The following ALDH9A1 variants were observed in gnomAD, a reference collection of about 807,000 sequenced individuals.
ALDH9A1 encodes 4-trimethylaminobutyraldehyde dehydrogenase.
In ALDH9A1, 42 loss-of-function variants were observed where a neutral mutation model predicts 56.6. That is an observed-to-expected ratio of 0.74 (90% CI 0.58 to 0.96). The LOEUF (loss-of-function observed/expected upper bound fraction) is 0.96. ALDH9A1 is among the 40% of genes least tolerant of loss of function. The probability of loss-of-function intolerance (pLI) is 0.00; values close to 1 mark genes in which losing one functional copy is unlikely to be tolerated. For synonymous variants in ALDH9A1, 242 were observed against 236.0 expected (o/e 1.03, Z -0.23); for missense variants, 661 against 651.5 (o/e 1.01, Z -0.16).
At chr1:165,663,807 A>G (rs971774958) in intron 10 of ALDH9A1, among the ~76,000 whole-genome samples, 7 of 152,254 alleles carry the variant, frequency 4.6e-5, no homozygotes, top group African/African-American at 1.7e-4. Context: ...TATCACACAC[A>G]AAGGTCCTGG....
chr1:165,682,957 C>G (rs1558008753), intron 3 of ALDH9A1, 24 bp downstream of exon 3: 2 of 1,610,030 alleles, frequency 1.2e-6, no homozygotes, highest in Non-Finnish European at 1.7e-6. Context: ...ATCAGCTGGT[C>G]ACAGACACCA....
At position 165,663,095 on chromosome 1, in the gene ALDH9A1, C is replaced by T. The variant is rs1648895071; in HGVS notation, c.1512G>A (p.Leu504=). 1 of 1,614,090 alleles carries T rather than the reference C, an allele frequency of 6.2e-7. No homozygotes were observed. The highest frequency in any genetic ancestry group is 8.5e-7 in the Non-Finnish European group (1 of 1,179,956). Residue 504 remains leucine (L), a synonymous_variant, in exon 11 of 11, where the codon CTG becomes CTA. Coordinates refer to ENST00000354775, the MANE Select transcript of ALDH9A1 (RefSeq NM_000696.4). ...CACCCATCTCCACACACACAGTCTT[C>T]AGCTGTGAATAATATTCGATTGTCA... is the stretch of plus-strand genomic sequence containing the variant. The part of the protein sequence containing the change: ...GRVTIEYYSQ[L]KTVCVEMGDV...
chr1:165,669,814 C>G (rs1649121687), intron 6 of ALDH9A1, among the ~76,000 whole-genome samples: 1 of 151,972 alleles, frequency 6.6e-6, no homozygotes, highest in Non-Finnish European at 1.5e-5. Flanking sequence ...AACAGTAAAC[C>G]TATATCAAGA....
intron 2 of ALDH9A1, among the ~76,000 whole-genome samples, chr1:165,686,152 A>G (rs1649699996): frequency 6.6e-6 from 1 of 152,228 alleles, no homozygotes; most frequent in Non-Finnish European, 1.5e-5. Context: ...TAAAAACACC[A>G]GATAAAATAC....
intron 8 of ALDH9A1, 120 bp downstream of exon 8, chr1:165,668,806 G>A: frequency 1.3e-6 from 1 of 750,600 alleles, no homozygotes. Context: ...AACTTGGGTA[G>A]TAGGACCACA....
chr1:165,668,253 T>C (rs1340853021), intron 8 of ALDH9A1, among the ~76,000 whole-genome samples: 15 of 152,178 alleles, frequency 9.9e-5, no homozygotes, highest in South Asian at 2.1e-4. Flanking sequence ...TTGTTGGAGG[T>C]AGAGCCTAGT....
chr1:165,687,316 C>A (rs1413700700), intron 2 of ALDH9A1, among the ~76,000 whole-genome samples: 1 of 151,204 alleles, frequency 6.6e-6, no homozygotes, highest in Non-Finnish European at 1.5e-5. Flanking sequence ...CTAAAGAAAT[C>A]ATGGCCAAAT....
chr1:165,667,433 T>A lies in ALDH9A1; in HGVS notation c.1225A>T (p.Met409Leu). The A allele has an allele frequency of 6.2e-7, 1 of 1,614,028 alleles. No homozygotes were observed. Among genetic ancestry groups the A allele is most frequent in the South Asian group, 1.1e-5 (1 of 91,078 alleles). ...AAGATCTCTTCCTTCACACAGGTCA[T>A]GTCGTCTCTGCAATTAGCTGCAAAC... ...PCVLTNCRDD[M>L]TCVKEEIFGP... Residue 409 changes from methionine to leucine, a missense_variant, in exon 9 of 11, where the codon ATG (methionine) becomes TTG (leucine). Transcript: ENST00000354775.
intron 4 of ALDH9A1, among the ~76,000 whole-genome samples, chr1:165,681,074 C>T (rs1348027079): frequency 6.6e-6 from 1 of 152,156 alleles, no homozygotes; most frequent in Non-Finnish European, 1.5e-5. Flanking sequence ...AAGACCAGCC[C>T]CCATGATTCA....
chr1:165,687,704 C>T (rs975724014), intron 2 of ALDH9A1, among the ~76,000 whole-genome samples: 2 of 152,096 alleles, frequency 1.3e-5, no homozygotes, highest in African/African-American at 4.8e-5. Context: ...AAATGCTAGC[C>T]TGGCGGGGTG....
intron 2 of ALDH9A1, among the ~76,000 whole-genome samples, chr1:165,684,745 C>T (rs111407051): frequency 1.4e-3 from 210 of 152,300 alleles, no homozygotes; most frequent in Non-Finnish European, 2.5e-3. Flanking sequence ...TAGTGAAACA[C>T]GGTTCTGCTT....
chr1:165,662,609 G>A lies in ALDH9A1; in HGVS notation c.*441C>T, dbSNP rs896598606. On this transcript the variant is annotated 3_prime_UTR_variant, in exon 11 of 11. Coordinates refer to ENST00000354775, the MANE Select transcript of ALDH9A1 (RefSeq NM_000696.4). ...TTCAAGACTAGGCAAGTGAAGCAGT[G>A]GGAATGGAGAAGGAACAAAGAAATC... The A allele has an allele frequency of 6.5e-6, 1 of 154,522 alleles. No homozygotes were observed. The highest frequency in any genetic ancestry group is 6.5e-5 in the Admixed American group (1 of 15,446). 9.6% of individuals were successfully genotyped at this position (154,522 alleles called of 1,614,324 possible).
At chr1:165,693,407 T>C (rs1418146411) in intron 2 of ALDH9A1, among the ~76,000 whole-genome samples, 1 of 152,094 alleles carries the variant, frequency 6.6e-6, no homozygotes. Flanking sequence ...GGGCAAAGGA[T>C]ATGAACAGAC....
chr1:165,672,428 T>A (rs554595807), intron 6 of ALDH9A1, among the ~76,000 whole-genome samples: 1 of 152,170 alleles, frequency 6.6e-6, no homozygotes, highest in Non-Finnish European at 1.5e-5. Flanking sequence ...TATTGTATGA[T>A]TGCATTTATA....
chr1:165,679,501 AGT>A lies in ALDH9A1; in HGVS notation c.869_870del (p.Asp290ValfsTer2). ...CCCTTTACAGCATTGTTCATATCAC[AGT>A]CTGAGAAGATGATGAGTGGAGATTT... ...GGKSPLIIFSDCDMNNAVKGA... is the reference protein window; with the variant it reads ...GGKSPLIIFSXCDMNNAVKGA... On this transcript the variant is annotated frameshift_variant, in exon 6 of 11. Coordinates refer to ENST00000354775, the MANE Select transcript of ALDH9A1 (RefSeq NM_000696.4). LOFTEE classifies it high-confidence loss of function. 1 of 1,614,196 alleles carries A rather than the reference AGT, an allele frequency of 6.2e-7. No individual in the cohort carries two copies. Among genetic ancestry groups the A allele is most frequent in the Non-Finnish European group, 8.5e-7 (1 of 1,180,030 alleles).
chr1:165,668,838 A>G, intron 8 of ALDH9A1, 88 bp downstream of exon 8: 11 of 1,106,526 alleles, frequency 9.9e-6, no homozygotes, highest in East Asian at 5.1e-5. Context: ...CCCTTGCTTT[A>G]TATCATGTAC....
At chr1:165,689,274 G>A (rs915715119) in intron 2 of ALDH9A1, among the ~76,000 whole-genome samples, 16 of 152,146 alleles carry the variant, frequency 1.1e-4, no homozygotes, top group African/African-American at 3.9e-4. Context: ...GGACACTGAC[G>A]AGTTGATTGA....
At chr1:165,690,729 G>A (rs979619513) in intron 2 of ALDH9A1, among the ~76,000 whole-genome samples, 4 of 152,264 alleles carry the variant, frequency 2.6e-5, no homozygotes, top group East Asian at 1.9e-4. Context: ...CTGGCTCGGC[G>A]GGTCCCCCAC....
chr1:165,673,911 T>C (rs1211548778), intron 6 of ALDH9A1, among the ~76,000 whole-genome samples: 2 of 152,076 alleles, frequency 1.3e-5, no homozygotes, highest in African/African-American at 2.4e-5. Context: ...CCCAAGAAGT[T>C]AGACATTCTA....
Sources: allele counts gnomAD v4.1 joint callset (sites outside exome capture counted in the v4.1 genomes callset), GRCh38; gene constraint gnomAD v4.1.1; transcripts MANE v1.5; gene names NCBI Gene and HGNC (gene_info 2026-07-23, HGNC 2026-07-21).